The following RASEF variants were observed in gnomAD, a reference collection of about 807,000 sequenced individuals.
RASEF encodes RAS and EF-hand domain containing.
Under a neutral mutation model 90.1 loss-of-function variants are expected in RASEF, and 68 were observed. The ratio of observed to expected loss-of-function variants is 0.75; its 90% confidence interval spans 0.62 to 0.92. The LOEUF is 0.92. Among genes scored for constraint, RASEF ranks in the 40% least tolerant of loss-of-function variants. The pLI, the probability that RASEF is intolerant of heterozygous loss-of-function variation, is 0.00. For missense variants in RASEF, 949 were observed against 937.2 expected (o/e 1.01, Z -0.16); for synonymous variants, 331 against 345.2 (o/e 0.96, Z 0.46).
chr9:83,162,954 T>G, the RASEF span, among the ~76,000 whole-genome samples: 1 of 152,226 alleles, frequency 6.6e-6, no homozygotes, highest in African/African-American at 2.4e-5. Flanking sequence ...AATACCCTTG[T>G]GCTTCAATTA....
At chr9:83,022,669 A>C (rs1333688884) in intron 2 of RASEF, among the ~76,000 whole-genome samples, 3 of 152,194 alleles carry the variant, frequency 2.0e-5, no homozygotes, top group Non-Finnish European at 4.4e-5. Context: ...ACATTATGAG[A>C]AATGTGTCTT....
chr9:83,101,374 C>T, the RASEF span, among the ~76,000 whole-genome samples: 2 of 152,206 alleles, frequency 1.3e-5, no homozygotes, highest in African/African-American at 4.8e-5. Flanking sequence ...CCCTACACTC[C>T]TGGTGGTAAG....
chr9:83,155,742 C>T, the RASEF span, among the ~76,000 whole-genome samples: 2 of 152,150 alleles, frequency 1.3e-5, no homozygotes, highest in African/African-American at 2.4e-5. Context: ...TGAGGTGGAA[C>T]TATAAAAGTA....
the RASEF span, among the ~76,000 whole-genome samples, chr9:83,134,447 C>T: frequency 4.0e-4 from 60 of 148,372 alleles, no homozygotes; most frequent in African/African-American, 1.5e-3. Flanking sequence ...CACACACACA[C>T]ACATATATAT....
intron 1 of RASEF, among the ~76,000 whole-genome samples, chr9:83,047,815 G>C (rs748447142): frequency 3.3e-5 from 5 of 152,210 alleles, no homozygotes; most frequent in Non-Finnish European, 7.3e-5. Flanking sequence ...TTCTAAGTTA[G>C]GATGTCATGG....
chr9:83,159,792 A>G, the RASEF span, among the ~76,000 whole-genome samples: 5 of 152,180 alleles, frequency 3.3e-5, no homozygotes, highest in African/African-American at 1.2e-4. Flanking sequence ...TCCTCACCCA[A>G]ATCTCATCTT....
chr9:83,139,331 T>C, the RASEF span, among the ~76,000 whole-genome samples: 3 of 152,304 alleles, frequency 2.0e-5, no homozygotes, highest in East Asian at 3.9e-4. Context: ...GCTCCAACCC[T>C]GGTCCCAGCA....
the RASEF span, among the ~76,000 whole-genome samples, chr9:83,154,335 T>C: frequency 3.3e-5 from 5 of 152,212 alleles, no homozygotes; most frequent in Non-Finnish European, 5.9e-5. Context: ...CTTTGCTTTA[T>C]CTATTTGACC....
At chr9:83,093,482 C>G in the RASEF span, among the ~76,000 whole-genome samples, 3 of 152,238 alleles carry the variant, frequency 2.0e-5, no homozygotes, top group African/African-American at 7.2e-5. Context: ...TCAAGCGCAG[C>G]CCCGGTGGGC....
intron 1 of RASEF, among the ~76,000 whole-genome samples, chr9:83,031,891 C>T (rs545814288): frequency 4.6e-5 from 7 of 152,240 alleles, no homozygotes; most frequent in South Asian, 2.1e-4. Flanking sequence ...CTGTGTGCTT[C>T]GCTTGGTCTA....
At chr9:83,162,326 TA>T in the RASEF span, among the ~76,000 whole-genome samples, 1 of 152,204 alleles carries the variant, frequency 6.6e-6, no homozygotes, top group Non-Finnish European at 1.5e-5. Flanking sequence ...GAAGTTCACA[TA>T]AAAAAATTAC....
the RASEF span, among the ~76,000 whole-genome samples, chr9:83,100,126 T>C: frequency 6.6e-6 from 1 of 152,216 alleles, no homozygotes; most frequent in Admixed American, 6.5e-5. Flanking sequence ...GAATGAGACT[T>C]TATTTCTTCC....
At chr9:83,155,357 A>T in the RASEF span, among the ~76,000 whole-genome samples, 1 of 152,212 alleles carries the variant, frequency 6.6e-6, no homozygotes, top group South Asian at 2.1e-4. Flanking sequence ...ATGGACTCAC[A>T]GTTCCATGAG....
At chr9:83,176,499 C>A in the RASEF span, among the ~76,000 whole-genome samples, 1 of 151,976 alleles carries the variant, frequency 6.6e-6, no homozygotes, top group Non-Finnish European at 1.5e-5. Flanking sequence ...CTATATATCT[C>A]ATTTCTCTTT....
chr9:83,192,819 C>T, the RASEF span, among the ~76,000 whole-genome samples: 12 of 151,208 alleles, frequency 7.9e-5, no homozygotes, highest in African/African-American at 2.9e-4. Flanking sequence ...GCGAGGAAAG[C>T]TAATTGCTCT....
the RASEF span, among the ~76,000 whole-genome samples, chr9:83,153,814 G>A: frequency 6.6e-6 from 1 of 152,198 alleles, no homozygotes; most frequent in African/African-American, 2.4e-5. Context: ...TGTGTGGCAC[G>A]TTCCCTGGCA....
chr9:83,036,137 T>G (rs1240757504), intron 1 of RASEF, among the ~76,000 whole-genome samples: 1 of 152,214 alleles, frequency 6.6e-6, no homozygotes, highest in Non-Finnish European at 1.5e-5. Context: ...TCCTGACCTT[T>G]TCCAGACACA....
the RASEF span, among the ~76,000 whole-genome samples, chr9:83,133,666 A>G: frequency 3.8e-4 from 58 of 152,294 alleles, no homozygotes; most frequent in East Asian, 8.1e-3. Flanking sequence ...TTAAAAGGAC[A>G]CCAAAAATCT....
At chr9:83,118,257 A>C in the RASEF span, among the ~76,000 whole-genome samples, 1 of 152,078 alleles carries the variant, frequency 6.6e-6, no homozygotes, top group African/African-American at 2.4e-5. Flanking sequence ...GAGTCCTTGA[A>C]GGCTGAAAGT....
Sources: allele counts gnomAD v4.1 joint callset (sites outside exome capture counted in the v4.1 genomes callset), GRCh38; gene constraint gnomAD v4.1.1; transcripts MANE v1.5; gene names NCBI Gene and HGNC (gene_info 2026-07-23, HGNC 2026-07-21).